ADAMTSL1: variants seen among roughly 807,000 people sequenced by gnomAD.
ADAMTSL1 encodes the protein ADAMTS-like protein 1.
ADAMTSL1 carries 126 observed loss-of-function variants against 201.8 expected under a neutral mutation model. That is an observed-to-expected ratio of 0.62 (90% CI 0.54 to 0.72). The LOEUF (loss-of-function observed/expected upper bound fraction) is 0.72. Among genes scored for constraint, ADAMTSL1 ranks in the 30% least tolerant of loss-of-function variants. The probability of loss-of-function intolerance (pLI) is 0.00; values close to 1 mark genes in which losing one functional copy is unlikely to be tolerated. For synonymous variants in ADAMTSL1, 1,121 were observed against 903.4 expected (o/e 1.24, Z -4.32); for missense variants, 2,679 against 2,277.8 (o/e 1.18, Z -3.59).
intron 23 of ADAMTSL1, among the ~76,000 whole-genome samples, chr9:18,885,557 C>G (rs116423143): frequency 0.012 from 1,901 of 152,266 alleles, 51 homozygotes; most frequent in African/African-American, 0.044. Flanking sequence ...AGTATAACCG[C>G]TTTCTCATGG....
At chr9:18,547,397 G>C (rs1221327866) in intron 3 of ADAMTSL1, among the ~76,000 whole-genome samples, 2 of 151,864 alleles carry the variant, frequency 1.3e-5, no homozygotes, top group Non-Finnish European at 1.5e-5. Context: ...AAAAGCAAGA[G>C]AAAAAGTCCA....
In ADAMTSL1 at chr9:18,474,301, T is replaced by C. The variant is rs757973400; in HGVS notation, c.63+6T>C. 6.2e-7 allele frequency: 1 copy of C among 1,614,110 alleles called. No individual in the cohort carries two copies. The highest frequency in any genetic ancestry group is 2.2e-5 in the East Asian group (1 of 44,880). Reference sequence around the variant, plus strand: ...TTCTGGCTTTCCTGCTCCTGGTAAATGCCTTTTCATTTCAATGCATTGCTA... The same window carrying C: ...TTCTGGCTTTCCTGCTCCTGGTAAACGCCTTTTCATTTCAATGCATTGCTA... On this transcript the variant is annotated splice_donor_region_variant and intron_variant, in intron 1 of 28. Transcript: ENST00000380548.
chr9:18,160,451 A>G (rs1827333165), intron 1 of ADAMTSL1, among the ~76,000 whole-genome samples: 1 of 151,920 alleles, frequency 6.6e-6, no homozygotes, highest in South Asian at 2.1e-4. Context: ...CAATTTCTCC[A>G]CTTCTCATGC....
chr9:18,884,283 C>G (rs377186281), intron 23 of ADAMTSL1, among the ~76,000 whole-genome samples: 1 of 152,088 alleles, frequency 6.6e-6, no homozygotes, highest in Non-Finnish European at 1.5e-5. Context: ...TGTTAGTTAT[C>G]AAATTTTAAG....
intron 26 of ADAMTSL1, among the ~76,000 whole-genome samples, chr9:18,898,680 A>G (rs1588342686): frequency 1.3e-5 from 2 of 152,352 alleles, no homozygotes; most frequent in East Asian, 3.9e-4. Flanking sequence ...CATTCCTCAC[A>G]TAAGAAGAAC....
chr9:18,563,154 T>A (rs1168775236), intron 3 of ADAMTSL1, among the ~76,000 whole-genome samples: 3 of 152,250 alleles, frequency 2.0e-5, no homozygotes, highest in African/African-American at 7.2e-5. Context: ...AATGGATTTA[T>A]CTACCTTTGG....
intron 2 of ADAMTSL1, among the ~76,000 whole-genome samples, chr9:18,389,908 G>A (rs961528797): frequency 6.6e-6 from 1 of 152,044 alleles, no homozygotes; most frequent in African/African-American, 2.4e-5. Context: ...AGCACAAATT[G>A]TCTTTTTACA....
At chr9:18,448,186 A>G (rs1465170282) in intron 2 of ADAMTSL1, among the ~76,000 whole-genome samples, 1 of 152,164 alleles carries the variant, frequency 6.6e-6, no homozygotes, top group Non-Finnish European at 1.5e-5. Flanking sequence ...TTGTTCTTTT[A>G]TGATGATTTT....
intron 1 of ADAMTSL1, among the ~76,000 whole-genome samples, chr9:18,488,900 T>C (rs982605767): frequency 6.6e-6 from 1 of 152,184 alleles, no homozygotes; most frequent in South Asian, 2.1e-4. Context: ...TGGAGCACAT[T>C]GAAGCCAGTA....
rs372396490 is a variant in ADAMTSL1, at chr9:18,647,366, GT to G, written c.834+7963del. On this transcript the variant is annotated intron_variant, in intron 7 of 28. Transcript: ENST00000380548. ...CCTGGATTCATTAATTTTTTGAAGG[GT>G]TTTTTTTCCCCCATTTCCTTCAGTT... Among the ~76,000 whole-genome samples the G allele has an allele frequency of 6.7e-3, 1,003 of 150,234 alleles. 8 individuals carry two copies. The highest frequency in any genetic ancestry group is 0.02 in the Middle Eastern group (6 of 294).
chr9:18,084,656 C>T lies in ADAMTSL1; in HGVS notation c.88-79206C>T, dbSNP rs1375779515. 5.3e-5 allele frequency among the ~76,000 whole-genome samples: 8 copies of T among 152,148 alleles called. No homozygotes were observed. The East Asian group carries it at 1.5e-3, about 29-fold the overall frequency. ...CAGTTACACCGTACAGCTCAAGCTC[C>T]CTCCCTCCCTTTCTGCTTCCTTTCC... On this transcript the variant is annotated intron_variant, in intron 1 of 29. Transcript: ENST00000680146.
At chr9:17,972,632 A>G (rs10963367) in intron 1 of ADAMTSL1, among the ~76,000 whole-genome samples, 122,831 of 151,488 alleles carry the variant, frequency 0.81, 50,205 homozygotes, top group East Asian at 0.92. Flanking sequence ...ATACATGTGC[A>G]TGTGTCTTTA....
At chr9:17,992,710 C>T (rs1395020460) in intron 1 of ADAMTSL1, among the ~76,000 whole-genome samples, 3 of 152,078 alleles carry the variant, frequency 2.0e-5, no homozygotes, top group Non-Finnish European at 4.4e-5. Context: ...CCTGGGTGAA[C>T]GGGCAAGACC....
At chr9:18,124,650 T>C (rs1193825270) in intron 1 of ADAMTSL1, among the ~76,000 whole-genome samples, 1 of 152,178 alleles carries the variant, frequency 6.6e-6, no homozygotes, top group Non-Finnish European at 1.5e-5. Flanking sequence ...AAGGTCATAT[T>C]TGAACAGGTG....
intron 1 of ADAMTSL1, among the ~76,000 whole-genome samples, chr9:17,949,558 C>T (rs959982147): frequency 1.3e-5 from 2 of 152,112 alleles, no homozygotes; most frequent in East Asian, 1.9e-4. Context: ...TAACTGAGAC[C>T]GTCATTTTGT....
chr9:18,095,891 GTTGGTCA>G (rs1473854995), intron 1 of ADAMTSL1, among the ~76,000 whole-genome samples: 1 of 152,182 alleles, frequency 6.6e-6, no homozygotes, highest in African/African-American at 2.4e-5. Flanking sequence ...CTGCTACTGG[GTTGGTCA>G]TTGTTTCTAA....
Position 17,959,491 on chromosome 9 carries a change from C to T in ADAMTSL1, c.87+52569C>T, listed in dbSNP as rs558143332. On this transcript the variant is annotated intron_variant, in intron 1 of 29. Transcript: ENST00000680146. ...TTTTATTTTTTGAGACAGAGTCTCG[C>T]TCTGTCACCCAGGCTGGAGTGCAGC... 1.2e-4 allele frequency among the ~76,000 whole-genome samples: 18 copies of T among 152,168 alleles called. No homozygotes were observed. In the South Asian group the frequency reaches 3.7e-3, roughly 32 times the overall value.
chr9:18,498,618 C>T (rs952938758), intron 1 of ADAMTSL1, among the ~76,000 whole-genome samples: 4 of 152,160 alleles, frequency 2.6e-5, no homozygotes, highest in East Asian at 1.9e-4. Context: ...CATGAGCCAC[C>T]GCGCCCGGCC....
chr9:18,816,992 A>G, intron 20 of ADAMTSL1, 117 bp from the exon 21 acceptor site: 13 of 1,309,498 alleles, frequency 9.9e-6, no homozygotes, highest in Non-Finnish European at 1.3e-5. Flanking sequence ...AAACATAGTT[A>G]GTGGCAAAAG....
Sources: gnomAD v4.1 joint callset for allele counts (sites outside exome capture counted in the v4.1 genomes callset) on GRCh38, gnomAD v4.1.1 for gene constraint, MANE v1.5 for transcripts, NCBI Gene and HGNC (gene_info 2026-07-23, HGNC 2026-07-21) for gene names.